The following RAD50 variants were observed in gnomAD, a reference collection of about 807,000 sequenced individuals.
RAD50 encodes RAD50 double strand break repair protein.
RAD50 carries 132 observed loss-of-function variants against 168.8 expected under a neutral mutation model. The observed-to-expected ratio is 0.78, with a 90% confidence interval of 0.68 to 0.90. The LOEUF is 0.90. Ranked by LOEUF, RAD50 falls within the 40% of genes least tolerant of loss-of-function variation. RAD50 has a pLI of 0.00. For synonymous variants in RAD50, 525 were observed against 497.4 expected (o/e 1.06, Z -0.74); for missense variants, 1,347 against 1,534.4 (o/e 0.88, Z 2.04).
Position 132,557,168 on chromosome 5 carries a change from TG to T in RAD50, c.-155del. ...CCGCCCCCTCTCTCCCGCTGTTGGC[TG>T]GCAGGATCTTTTGGCAGTCCTGTGG... On this transcript the variant is annotated 5_prime_UTR_variant, in exon 1 of 25. Coordinates refer to ENST00000378823, the MANE Select transcript of RAD50 (RefSeq NM_005732.4). The T allele has an allele frequency of 1.0e-6, 1 of 1,000,796 alleles. No homozygotes were observed. The highest frequency in any genetic ancestry group is 1.5e-6 in the Non-Finnish European group (1 of 649,634). 62.0% of individuals were successfully genotyped at this position (1,000,796 alleles called of 1,614,324 possible).
intron 2 of RAD50, among the ~76,000 whole-genome samples, chr5:132,562,825 C>T (rs1051189377): frequency 1.3e-5 from 2 of 152,002 alleles, no homozygotes; most frequent in African/African-American, 2.4e-5. Flanking sequence ...GCACTAGAGC[C>T]GATGATGCCT....
intron 21 of RAD50, among the ~76,000 whole-genome samples, chr5:132,619,883 T>G (rs140251311): frequency 0.22 from 26,806 of 123,982 alleles, 2,850 homozygotes; most frequent in Non-Finnish European, 0.25. Context: ...TATATATATA[T>G]ATAGAGAGAG....
At chr5:132,617,612 AAG>A (rs33932778) in intron 20 of RAD50, among the ~76,000 whole-genome samples, 34,748 of 152,112 alleles carry the variant, frequency 0.23, 4,134 homozygotes, top group African/African-American at 0.28. Context: ...AATTTTTAAT[AAG>A]TATTACTGCA....
chr5:132,564,936 A>G (rs1480570955), intron 2 of RAD50, among the ~76,000 whole-genome samples: 2 of 152,250 alleles, frequency 1.3e-5, no homozygotes, highest in East Asian at 3.9e-4. Context: ...GAGGCTTGGG[A>G]GCCTCCACCT....
At chr5:132,619,828 CTCTCTCTCTA>C (rs1561651599) in intron 21 of RAD50, among the ~76,000 whole-genome samples, 8 of 124,268 alleles carry the variant, frequency 6.4e-5, no homozygotes, top group African/African-American at 2.8e-4. Context: ...CTCTCTCTCT[CTCTCTCTCTA>C]TATATATATA....
chr5:132,603,546 G>A, intron 14 of RAD50, 57 bp downstream of exon 14: 1 of 1,542,644 alleles, frequency 6.5e-7, no homozygotes, highest in Non-Finnish European at 9.0e-7. Context: ...GCTTGAATTT[G>A]AAGTGTGAGA....
intron 2 of RAD50, among the ~76,000 whole-genome samples, chr5:132,565,147 C>T (rs1463297662): frequency 6.6e-6 from 1 of 152,116 alleles, no homozygotes; most frequent in Non-Finnish European, 1.5e-5. Context: ...TTCTTCTGCT[C>T]CAGCCATGTA....
In RAD50 at chr5:132,631,744, C is replaced by T. The variant is rs71583492; in HGVS notation, c.3390-5371C>T. ...GTTCTTGTACAGGATCTCACTCTGTCACCCAGGCTGGAGTGCAGTGCTATG... is the reference window on the plus strand; with the variant it reads ...GTTCTTGTACAGGATCTCACTCTGTTACCCAGGCTGGAGTGCAGTGCTATG... On this transcript the variant is annotated intron_variant, in intron 21 of 24. Transcript: ENST00000378823. 1.4e-3 allele frequency among the ~76,000 whole-genome samples: 209 copies of T among 152,300 alleles called. 1 individual carries two copies. Among genetic ancestry groups the T allele is most frequent in the Non-Finnish European group, 2.4e-3 (160 of 68,004 alleles).
chr5:132,565,792 G>A (rs900490100), intron 2 of RAD50, among the ~76,000 whole-genome samples: 13 of 152,076 alleles, frequency 8.5e-5, no homozygotes, highest in African/African-American at 2.4e-4. Context: ...ATTCCCTGGC[G>A]TGGACACTCT....
chr5:132,580,441 A>G (rs1342120064), intron 5 of RAD50, among the ~76,000 whole-genome samples: 1 of 152,232 alleles, frequency 6.6e-6, no homozygotes, highest in Admixed American at 6.5e-5. Flanking sequence ...ATTTGAAAGA[A>G]AACAAATTTG....
intron 21 of RAD50, chr5:132,630,654 C>T (rs1007927779): frequency 6.6e-6 from 1 of 152,204 alleles, no homozygotes; most frequent in African/African-American, 2.4e-5. Context: ...ATTGTAAAAG[C>T]TGATGTTTGG....
At position 132,618,289 on chromosome 5, in the gene RAD50, T is replaced by A. The variant is rs1060504387; in HGVS notation, c.3384T>A (p.Leu1128=). The stretch of plus-strand genomic sequence containing the variant: ...ATCTGGATATTTATTATAAGACTCT[T>A]GACCAGTAAGTATTAGACTGGGGAT... The part of the protein sequence containing the change: ...NKDLDIYYKT[L]DQAIMKFHSM... Residue 1128 remains leucine, a synonymous_variant, in exon 21 of 25, where the codon CTT becomes CTA. Coordinates refer to ENST00000378823, the MANE Select transcript of RAD50 (RefSeq NM_005732.4). 1 of 1,613,878 alleles carries A rather than the reference T, an allele frequency of 6.2e-7. No homozygotes were observed. Among genetic ancestry groups the A allele is most frequent in the African/African-American group, 1.3e-5 (1 of 74,918 alleles).
At chr5:132,571,964 T>C (rs1750314508) in intron 2 of RAD50, among the ~76,000 whole-genome samples, 1 of 152,192 alleles carries the variant, frequency 6.6e-6, no homozygotes, top group South Asian at 2.1e-4. Context: ...TGAGCAACTA[T>C]TTCAGGCTGA....
intron 21 of RAD50, among the ~76,000 whole-genome samples, chr5:132,628,595 C>A (rs1451918228): frequency 6.6e-6 from 1 of 152,012 alleles, no homozygotes; most frequent in Non-Finnish European, 1.5e-5. Flanking sequence ...CCTGTAATCC[C>A]AGCACTTTGG....
intron 2 of RAD50, among the ~76,000 whole-genome samples, chr5:132,560,736 A>G (rs555440122): frequency 6.6e-6 from 1 of 152,138 alleles, no homozygotes; most frequent in African/African-American, 2.4e-5. Context: ...CAGTTTTTCC[A>G]TCTCTCTCCT....
In RAD50 at chr5:132,603,440, A is replaced by G. The variant is rs374550615; in HGVS notation, c.2348A>G (p.Glu783Gly). Residue 783 changes from glutamate to glycine, a missense_variant, in exon 14 of 25, where the codon GAA (glutamate) becomes GGA (glycine). Physicochemically the swap from Glu to Gly is moderately conservative, Grantham distance 98. Around this residue, in one of 3 missense-constraint regions of RAD50, gnomAD observed 635 missense variants for 739.2 expected, o/e 0.86. Transcript: ENST00000378823. Reference protein sequence around the residue: ...TLLGTIMPEEESAKVCLTDVT... With the variant: ...TLLGTIMPEEGSAKVCLTDVT... ...TTGGGTACAATAATGCCTGAAGAAG[A>G]AAGTGCCAAAGTATGCCTGACAGAT... The G allele has an allele frequency of 6.8e-6, 11 of 1,614,040 alleles. No homozygotes were observed. The highest frequency in any genetic ancestry group is 1.7e-4 in the Middle Eastern group (1 of 6,058).
intron 20 of RAD50, among the ~76,000 whole-genome samples, chr5:132,616,598 C>T (rs1210122565): frequency 1.3e-5 from 2 of 152,148 alleles, no homozygotes; most frequent in Non-Finnish European, 2.9e-5. Context: ...CTCATTCTTC[C>T]TTTATCTGGT....
rs527837222 is a variant in RAD50, at chr5:132,569,267, C to T, written c.214-6510C>T. ...AAATAATTTTAAAAACCCAAATAAA[C>T]GGAATAATGGTGTTTTGTATATAAT... On this transcript the variant is annotated intron_variant, in intron 2 of 24. Transcript: ENST00000378823. 5.3e-5 allele frequency among the ~76,000 whole-genome samples: 8 copies of T among 151,838 alleles called. No individual in the cohort carries two copies. In the South Asian group the frequency reaches 6.2e-4, roughly 12 times the overall value.
intron 15 of RAD50, 110 bp from the exon 16 acceptor site, chr5:132,604,696 A>G (rs1378856864): frequency 3.1e-6 from 3 of 953,458 alleles, no homozygotes; most frequent in South Asian, 1.5e-5. Context: ...GGTGGGGCCC[A>G]CAGAAATAGC....
Sources: allele counts gnomAD v4.1 joint callset (sites outside exome capture counted in the v4.1 genomes callset), GRCh38; gene constraint gnomAD v4.1.1; regional missense constraint gnomAD v4.1.1; transcripts MANE v1.5; gene names NCBI Gene and HGNC (gene_info 2026-07-23, HGNC 2026-07-21).